The following PCDHAC1 variants were observed in gnomAD, a reference collection of about 807,000 sequenced individuals.
PCDHAC1 encodes the protein protocadherin alpha subfamily C, 1, also known as protocadherin alpha-C1.
Under a neutral mutation model 60.0 loss-of-function variants are expected in PCDHAC1, and 42 were observed. That is an observed-to-expected ratio of 0.70 (90% confidence interval 0.55 to 0.90). The LOEUF (loss-of-function observed/expected upper bound fraction) is 0.90. Among genes scored for constraint, PCDHAC1 ranks in the 40% least tolerant of loss-of-function variants. The probability of loss-of-function intolerance (pLI) is 0.00; values close to 1 mark genes in which losing one functional copy is unlikely to be tolerated. For missense variants in PCDHAC1, 1,160 were observed against 1,222.3 expected (o/e 0.95, Z 0.76); for synonymous variants, 468 against 499.3 (o/e 0.94, Z 0.84).
At position 140,929,257 on chromosome 5, in the gene PCDHAC1, C is replaced by G; in HGVS notation, c.2365C>G (p.Leu789Val). ...DLRNLATGVG[L>V]NLPISCIQIR... is the part of the protein sequence containing the mutation. ...GCGAAATCTTGCCACTGGGGTAGGA[C>G]TGAATTTGCCAATATCCTGTATTCA... The change falls in exon 1 of 4, where the codon CTG (leucine) becomes GTG (valine). Residue 789 changes from leucine to valine, a missense_variant. By Grantham distance (32) the Leu-to-Val change is conservative (BLOSUM62 1). Transcript: ENST00000253807. 2 of 1,612,972 alleles carry G rather than the reference C, an allele frequency of 1.2e-6. No homozygotes were observed. The highest frequency in any genetic ancestry group is 3.3e-5 in the Admixed American group (2 of 59,940).
chr5:140,968,574 T>A (rs2096256536), intron 1 of PCDHAC1: 1 of 1,614,218 alleles, frequency 6.2e-7, no homozygotes, highest in Non-Finnish European at 8.5e-7. Flanking sequence ...GCTGGCTACC[T>A]GGTCACCAAA....
At chr5:140,939,051 T>G (rs1359303875) in intron 1 of PCDHAC1, among the ~76,000 whole-genome samples, 1 of 152,236 alleles carries the variant, frequency 6.6e-6, no homozygotes, top group East Asian at 1.9e-4. Flanking sequence ...TTAGTCCATT[T>G]GGGCTGCTAT....
At chr5:140,930,356 A>G (rs1554207746) in intron 1 of PCDHAC1, 1 of 152,106 alleles carries the variant, frequency 6.6e-6, no homozygotes, top group African/African-American at 2.4e-5. Context: ...CAAATATTTC[A>G]ATTTATCTGT....
At chr5:141,007,395 CAAAAAAAAAAAA>C (rs35800918) in intron 3 of PCDHAC1, among the ~76,000 whole-genome samples, 1 of 94,866 alleles carries the variant, frequency 1.1e-5, no homozygotes, top group Non-Finnish European at 2.1e-5. Flanking sequence ...TACTAAAATA[CAAAAAAAAAAAA>C]AAAAAAAAAA....
intron 3 of PCDHAC1, among the ~76,000 whole-genome samples, chr5:140,996,580 C>T (rs1351485354): frequency 6.6e-6 from 1 of 152,130 alleles, no homozygotes; most frequent in African/African-American, 2.4e-5. Context: ...AATTTGTTAA[C>T]AAGGGCCGCC....
chr5:140,928,350 T>A lies in PCDHAC1; in HGVS notation c.1458T>A (p.Asp486Glu). 1 of 1,614,098 alleles carries A rather than the reference T, an allele frequency of 6.2e-7. No individual in the cohort carries two copies. The highest frequency in any genetic ancestry group is 8.5e-7 in the Non-Finnish European group (1 of 1,180,014). The change falls in exon 1 of 4, where the codon GAT (aspartate) becomes GAA (glutamate). Residue 486 changes from aspartate to glutamate, a missense_variant. By Grantham distance (45) the Asp-to-Glu change is conservative. Around this residue, in one of 3 missense-constraint regions of PCDHAC1, gnomAD observed 1,113 missense variants for 1,163.7 expected, o/e 0.96. Transcript: ENST00000253807. ...GCCTTGTCTCTTATGAGCTGTTGGA[T>A]GTTATCTCTGAAGGGCCATCAGCCT... ...KNGLVSYELL[D>E]VISEGPSASS...
chr5:140,943,465 G>C (rs1332571516), intron 1 of PCDHAC1, among the ~76,000 whole-genome samples: 3 of 152,022 alleles, frequency 2.0e-5, no homozygotes, highest in African/African-American at 7.2e-5. Context: ...CTAAATGTGG[G>C]AGATACAGTA....
At chr5:141,003,328 G>C (rs941196932) in intron 3 of PCDHAC1, among the ~76,000 whole-genome samples, 1 of 152,102 alleles carries the variant, frequency 6.6e-6, no homozygotes, top group Admixed American at 6.5e-5. Flanking sequence ...AGAGGGCAGG[G>C]TTTTTTGTTT....
intron 3 of PCDHAC1, among the ~76,000 whole-genome samples, chr5:140,989,275 G>A (rs2097335515): frequency 6.6e-6 from 1 of 152,096 alleles, no homozygotes; most frequent in African/African-American, 2.4e-5. Context: ...TTTCTGCTGG[G>A]GACATCTCAG....
At chr5:140,999,240 G>A (rs193018375) in intron 3 of PCDHAC1, among the ~76,000 whole-genome samples, 1 of 152,340 alleles carries the variant, frequency 6.6e-6, no homozygotes, top group Non-Finnish European at 1.5e-5. Context: ...GGTGGTTAAA[G>A]TGGGAGTTGG....
At chr5:141,003,307 C>T (rs2153977029) in intron 3 of PCDHAC1, among the ~76,000 whole-genome samples, 1 of 152,252 alleles carries the variant, frequency 6.6e-6, no homozygotes. Flanking sequence ...ATGAAGTGGC[C>T]AGCTACTTCC....
intron 1 of PCDHAC1, among the ~76,000 whole-genome samples, chr5:140,935,180 T>C (rs781934014): frequency 3.9e-5 from 6 of 152,214 alleles, no homozygotes; most frequent in Non-Finnish European, 7.3e-5. Flanking sequence ...TTATTGCTGC[T>C]GGGTCAGTTG....
chr5:140,926,789 G>A lies in PCDHAC1; in HGVS notation c.-104G>A. On this transcript the variant is annotated 5_prime_UTR_variant, in exon 1 of 4. Coordinates refer to ENST00000253807, the MANE Select transcript of PCDHAC1 (RefSeq NM_018898.5). ...AGCCCGCAGCAGTGACGGCCGGCAG[G>A]AGCGTGCTCTTCCCCGCGGCTCGTG... is the stretch of plus-strand genomic sequence containing the variant. 1 of 1,432,318 alleles carries A rather than the reference G, an allele frequency of 7.0e-7. No individual in the cohort carries two copies. The highest frequency in any genetic ancestry group is 2.5e-5 in the East Asian group (1 of 39,668). 88.7% of individuals were successfully genotyped at this position (1,432,318 alleles called of 1,614,324 possible).
At chr5:140,977,283 G>A (rs2096753441) in intron 1 of PCDHAC1, among the ~76,000 whole-genome samples, 1 of 152,190 alleles carries the variant, frequency 6.6e-6, no homozygotes, top group African/African-American at 2.4e-5. Context: ...CTCAAAGGAA[G>A]GTTCTCTCAG....
chr5:140,985,941 G>T (rs553776294), intron 3 of PCDHAC1, among the ~76,000 whole-genome samples: 2 of 151,978 alleles, frequency 1.3e-5, no homozygotes, highest in South Asian at 4.1e-4. Flanking sequence ...GGGTTTCACT[G>T]TGTTAGCCAG....
chr5:140,946,634 A>ATATATATAT (rs1554217761), intron 1 of PCDHAC1, among the ~76,000 whole-genome samples: 5 of 147,332 alleles, frequency 3.4e-5, no homozygotes, highest in African/African-American at 7.7e-5. Flanking sequence ...ATATATATAC[A>ATATATATAT]ATGGAATACT....
chr5:140,991,033 TACTTA>T (rs567583919), intron 3 of PCDHAC1, among the ~76,000 whole-genome samples: 53 of 152,330 alleles, frequency 3.5e-4, no homozygotes, highest in African/African-American at 1.3e-3. Context: ...ATATGTTGCA[TACTTA>T]ACTTTGAGAG....
chr5:140,977,541 G>A (rs1164108305), intron 1 of PCDHAC1, among the ~76,000 whole-genome samples: 2 of 152,188 alleles, frequency 1.3e-5, no homozygotes, highest in Non-Finnish European at 2.9e-5. Context: ...GAAGCAGCTT[G>A]CATATGCATA....
In PCDHAC1 at chr5:140,947,881, A is replaced by G. The variant is rs191017624; in HGVS notation, c.2433+18556A>G. On this transcript the variant is annotated intron_variant, in intron 1 of 3. Transcript: ENST00000253807. ...TATAATGGCTAGGACTTCCAGGACA[A>G]TATAAACAGAAGTGGTGAGAGCAGA... 2.7e-3 allele frequency among the ~76,000 whole-genome samples: 417 copies of G among 151,684 alleles called. 2 individuals carry two copies. Among genetic ancestry groups the G allele is most frequent in the Middle Eastern group, 0.014 (4 of 294 alleles).
Sources: gnomAD v4.1 joint callset for allele counts (sites outside exome capture counted in the v4.1 genomes callset) on GRCh38, gnomAD v4.1.1 for gene constraint, gnomAD v4.1.1 regional missense constraint, MANE v1.5 for transcripts, NCBI Gene and HGNC (gene_info 2026-07-23, HGNC 2026-07-21) for gene names.